Variants in TCAF1 observed in about 807,000 individuals in gnomAD.
The protein encoded by TCAF1 is TRPM8 channel associated factor 1.
TCAF1 carries 4 observed loss-of-function variants against 27.3 expected under a neutral mutation model. That is an observed-to-expected ratio of 0.15 (90% CI 0.07 to 0.34). The LOEUF is 0.34. Ranked by LOEUF, TCAF1 falls within the 10% of genes least tolerant of loss-of-function variation. The probability of loss-of-function intolerance (pLI) is 1.00; values close to 1 mark genes in which losing one functional copy is unlikely to be tolerated. For missense variants in TCAF1, 257 were observed against 425.8 expected (o/e 0.60, Z 3.49); for synonymous variants, 105 against 167.1 (o/e 0.63, Z 2.87).
chr7:143,894,181 T>G (rs184557440), intron 1 of TCAF1, among the ~76,000 whole-genome samples: 55 of 151,802 alleles, frequency 3.6e-4, no homozygotes, highest in Admixed American at 3.1e-3. Context: ...AAGCAGAAAA[T>G]ATAAATAATC....
chr7:143,896,422 T>C (rs1446405776), intron 1 of TCAF1, among the ~76,000 whole-genome samples: 2 of 152,072 alleles, frequency 1.3e-5, no homozygotes, highest in Non-Finnish European at 2.9e-5. Context: ...ATTTCTGTAA[T>C]TGGCAACTCA....
At chr7:143,875,144 C>G (rs1812619441) in intron 2 of TCAF1, among the ~76,000 whole-genome samples, 1 of 152,212 alleles carries the variant, frequency 6.6e-6, no homozygotes, top group Non-Finnish European at 1.5e-5. Flanking sequence ...TCCTACCTTG[C>G]TCCATTCCCA....
At position 143,876,471 on chromosome 7, in the gene TCAF1, C is replaced by G; in HGVS notation, c.138G>C (p.Gln46His). The G allele has an allele frequency of 3.7e-6, 6 of 1,603,982 alleles. No homozygotes were observed. The highest frequency in any genetic ancestry group is 5.1e-6 in the Non-Finnish European group (6 of 1,175,700). ...CATAGGAGGAGGCAGCAATGAGGAC[C>G]TGGCCCATGTCATTCACCATCACAG... ...SFPVMVNDMG[Q>H]VLIAASSYGR... is the part of the protein sequence containing the mutation. Residue 46 changes from glutamine to histidine, a missense_variant, in exon 2 of 9, where the codon CAG (glutamine) becomes CAC (histidine). Coordinates refer to ENST00000479870, the MANE Select transcript of TCAF1 (RefSeq NM_014719.3).
chr7:143,877,109 G>T (rs918488310), intron 1 of TCAF1, among the ~76,000 whole-genome samples: 1 of 152,170 alleles, frequency 6.6e-6, no homozygotes, highest in Non-Finnish European at 1.5e-5. Flanking sequence ...TACAAGCCAA[G>T]GAAGACCAAG....
intron 2 of TCAF1, among the ~76,000 whole-genome samples, chr7:143,871,289 T>G (rs367880380): frequency 3.4e-5 from 5 of 145,326 alleles, no homozygotes; most frequent in African/African-American, 1.3e-4. Context: ...AAAAAACTGA[T>G]GGGCTCAGGA....
chr7:143,876,986 T>C (rs530277220), intron 1 of TCAF1, among the ~76,000 whole-genome samples: 3 of 152,334 alleles, frequency 2.0e-5, no homozygotes, highest in East Asian at 3.9e-4. Context: ...GATGAGGTCA[T>C]ATGTGATTCA....
In TCAF1 at chr7:143,853,232, GC is replaced by G. The variant is rs1811414691; in HGVS notation, c.*900del. On this transcript the variant is annotated 3_prime_UTR_variant, in exon 9 of 9. Coordinates refer to ENST00000479870, the MANE Select transcript of TCAF1 (RefSeq NM_014719.3). ...CAAGTAGCTAGGACCACAGGCACATGCCACCATGCTTGGCTAATTTTTAAAA... is the reference window on the plus strand; with the variant it reads ...CAAGTAGCTAGGACCACAGGCACATGCACCATGCTTGGCTAATTTTTAAAA... 2 of 150,300 alleles carry G rather than the reference GC, an allele frequency of 1.3e-5. No individual in the cohort carries two copies. Among genetic ancestry groups the G allele is most frequent in the South Asian group, 4.2e-4 (2 of 4,742 alleles). 9.3% of individuals were successfully genotyped at this position (150,300 alleles called of 1,614,324 possible).
chr7:143,859,931 AAT>A (rs1319009462), intron 6 of TCAF1, among the ~76,000 whole-genome samples: 3 of 89,422 alleles, frequency 3.4e-5, no homozygotes, highest in African/African-American at 8.5e-5. Context: ...TATATTATAT[AAT>A]ATATATTATA....
At position 143,876,392 on chromosome 7, in the gene TCAF1, G is replaced by A. The variant is rs368662934; in HGVS notation, c.217C>T (p.Leu73Phe). The A allele has an allele frequency of 9.9e-6, 16 of 1,614,062 alleles. No homozygotes were observed. The highest frequency in any genetic ancestry group is 2.7e-5 in the African/African-American group (2 of 75,058). Residue 73 changes from leucine (L) to phenylalanine (F), a missense_variant, in exon 2 of 9, where the codon CTC becomes TTC. Physicochemically the swap from Leu to Phe is conservative, Grantham distance 22. Coordinates refer to ENST00000479870, the MANE Select transcript of TCAF1 (RefSeq NM_014719.3). Reference sequence around the variant, plus strand: ...ACTGCGTTCAGGAGAAAGGGCGTGAGCTGGGCTTCCACCAAGTAGTCCTCA... The same window carrying A: ...ACTGCGTTCAGGAGAAAGGGCGTGAACTGGGCTTCCACCAAGTAGTCCTCA... ...SHEDYLVEAQ[L>F]TPFLLNAVGW...
intron 1 of TCAF1, among the ~76,000 whole-genome samples, chr7:143,878,738 A>T (rs568442430): frequency 3.3e-5 from 5 of 152,204 alleles, no homozygotes; most frequent in Non-Finnish European, 7.3e-5. Context: ...TAATCAGGAT[A>T]GCAAAGTGCA....
Position 143,899,980 on chromosome 7 carries a change from C to T in TCAF1, c.-15+1981G>A, listed in dbSNP as rs541399691. On this transcript the variant is annotated intron_variant, in intron 1 of 8. Coordinates refer to ENST00000479870, the MANE Select transcript of TCAF1 (RefSeq NM_014719.3). ...TGACAAAAAATGTAATTTTACAAGA[C>T]TAAGCTGTGGCAAGCATGTAGAGCA... 2.6e-5 allele frequency among the ~76,000 whole-genome samples: 4 copies of T among 152,326 alleles called. No homozygotes were observed. The East Asian group carries it at 7.7e-4, about 29-fold the overall frequency.
intron 1 of TCAF1, among the ~76,000 whole-genome samples, chr7:143,889,509 AT>A (rs1000709123): frequency 6.6e-6 from 1 of 152,154 alleles, no homozygotes; most frequent in Non-Finnish European, 1.5e-5. Flanking sequence ...TTCAATGGAG[AT>A]TTTAAACAAG....
chr7:143,875,840 G>A (rs536209836), intron 2 of TCAF1, 149 bp downstream of exon 2: 23 of 625,858 alleles, frequency 3.7e-5, no homozygotes, highest in East Asian at 1.4e-4. Flanking sequence ...CTATGTCTCA[G>A]GGCATTTAAA....
intron 1 of TCAF1, among the ~76,000 whole-genome samples, chr7:143,883,505 T>TTC (rs1554393178): frequency 1.1e-4 from 14 of 129,320 alleles, no homozygotes; most frequent in South Asian, 2.6e-4. Flanking sequence ...TTTTTCTTTT[T>TTC]TTTTTTTTTT....
chr7:143,885,502 G>A (rs1813358909), intron 1 of TCAF1: 2 of 985,428 alleles, frequency 2.0e-6, no homozygotes, highest in Non-Finnish European at 2.4e-6. Flanking sequence ...ATCCGGGATG[G>A]AGACCCAGAC....
At chr7:143,886,303 T>C (rs1813402412) in intron 1 of TCAF1, among the ~76,000 whole-genome samples, 1 of 152,176 alleles carries the variant, frequency 6.6e-6, no homozygotes, top group Admixed American at 6.5e-5. Context: ...AACTGTTCTC[T>C]GGAAGAGACC....
intron 1 of TCAF1, chr7:143,882,765 G>A (rs1813141719): frequency 3.0e-6 from 3 of 985,816 alleles, no homozygotes; most frequent in African/African-American, 1.7e-5. Context: ...CACGGGGGCA[G>A]GTGGGAGCGG....
intron 1 of TCAF1, chr7:143,882,484 G>C: frequency 1.0e-6 from 1 of 985,388 alleles, no homozygotes; most frequent in Non-Finnish European, 1.2e-6. Flanking sequence ...ACCTGGAGAG[G>C]AGGAGCAATG....
intron 1 of TCAF1, among the ~76,000 whole-genome samples, chr7:143,894,892 ACCCCTTTACCC>A (rs1317520041): frequency 6.6e-6 from 1 of 151,498 alleles, no homozygotes; most frequent in East Asian, 1.9e-4. Context: ...AAAAGAAACC[ACCCCTTTACCC>A]CCAAATAGAC....
Sources: allele counts gnomAD v4.1 joint callset (sites outside exome capture counted in the v4.1 genomes callset), GRCh38; gene constraint gnomAD v4.1.1; transcripts MANE v1.5; gene names NCBI Gene and HGNC (gene_info 2026-07-23, HGNC 2026-07-21).